RYR3: variants seen among roughly 807,000 people sequenced by gnomAD.
The protein encoded by RYR3 is ryanodine receptor 3, also known as brain ryanodine receptor-calcium release channel.
A neutral mutation model predicts 584.3 loss-of-function variants in RYR3; 207 were observed. The observed-to-expected ratio is 0.35, with a 90% CI of 0.32 to 0.40. The LOEUF is 0.40. Among genes scored for constraint, RYR3 ranks in the 10% least tolerant of loss-of-function variants. RYR3 has a pLI of 1.00. For synonymous variants in RYR3, 2,416 were observed against 2,248.5 expected, an observed-to-expected ratio of 1.07 and a Z score of -2.11; for missense variants, 5,616 against 6,089.2, an observed-to-expected ratio of 0.92 and a Z score of 2.59.
Position 33,337,853 on chromosome 15 carries a change from G to A in RYR3, c.51+26757G>A, listed in dbSNP as rs141719960. Among the ~76,000 whole-genome samples the A allele has an allele frequency of 1.1e-3, 162 of 150,166 alleles. 1 individual carries two copies. The highest frequency in any genetic ancestry group is 3.9e-3 in the African/African-American group (158 of 40,816). ...CTGGGAACAACACACATGCCCATCA[G>A]CAATAGAATGGAGAAGGTGTGTACA... is the stretch of plus-strand genomic sequence containing the variant. On this transcript the variant is annotated intron_variant, in intron 1 of 103. Coordinates refer to ENST00000634891, the MANE Select transcript of RYR3 (RefSeq NM_001036.6).
intron 3 of RYR3, among the ~76,000 whole-genome samples, chr15:33,510,332 G>A (rs74005670): frequency 6.6e-6 from 1 of 152,262 alleles, no homozygotes; most frequent in African/African-American, 2.4e-5. Context: ...GTCTGTAATG[G>A]TTGCAGTGTA....
intron 20 of RYR3, among the ~76,000 whole-genome samples, chr15:33,626,345 G>A (rs374785167): frequency 1.4e-4 from 22 of 152,230 alleles, no homozygotes; most frequent in African/African-American, 3.4e-4. Context: ...AGAGACTGGC[G>A]GCATTTTGGA....
chr15:33,564,095 A>G (rs981619436), intron 11 of RYR3, among the ~76,000 whole-genome samples: 1 of 152,152 alleles, frequency 6.6e-6, no homozygotes, highest in Non-Finnish European at 1.5e-5. Flanking sequence ...CCTTCAGCAC[A>G]TTTGCTGATT....
chr15:33,351,328 G>A (rs1409942638), intron 1 of RYR3, among the ~76,000 whole-genome samples: 1 of 152,184 alleles, frequency 6.6e-6, no homozygotes, highest in Non-Finnish European at 1.5e-5. Flanking sequence ...TTCTACCAGA[G>A]ATACAAGGAG....
Position 33,864,125 on chromosome 15 carries a change from T to C in RYR3, c.14466-13T>C. The C allele has an allele frequency of 6.2e-7, 1 of 1,601,770 alleles. No homozygotes were observed. The highest frequency in any genetic ancestry group is 8.5e-7 in the Non-Finnish European group (1 of 1,173,002). On this transcript the variant is annotated splice_polypyrimidine_tract_variant and intron_variant, in intron 102 of 103. Coordinates refer to ENST00000634891, the MANE Select transcript of RYR3 (RefSeq NM_001036.6). ...TGACCAGAGTATCTAATACTATCTT[T>C]TCCTCGTTCCAGGTTCTTTCTGATG...
At chr15:33,595,052 C>T (rs1209308073) in intron 16 of RYR3, among the ~76,000 whole-genome samples, 1 of 151,946 alleles carries the variant, frequency 6.6e-6, no homozygotes, top group Non-Finnish European at 1.5e-5. Flanking sequence ...CTTTAGGGAA[C>T]CTAATGTCTT....
chr15:33,840,825 G>A lies in RYR3; in HGVS notation c.12979G>A (p.Ala4327Thr). Residue 4327 changes from alanine to threonine, a missense_variant and splice_region_variant, in exon 90 of 104, where the codon GCA (alanine) becomes ACA (threonine). Coordinates refer to ENST00000634891, the MANE Select transcript of RYR3 (RefSeq NM_001036.6). The stretch of plus-strand genomic sequence containing the variant: ...TTGACTAATTGTTATTTTTGTCTAG[G>A]CAGCAGAAATGAAAGCAGCAAATGA... Reference protein sequence around the residue: ...STVQKKRKAQAAEMKAANEAE... With the variant: ...STVQKKRKAQTAEMKAANEAE... The A allele has an allele frequency of 1.2e-6, 2 of 1,613,804 alleles. No homozygotes were observed.
At position 33,662,004 on chromosome 15, in the gene RYR3, TGA is replaced by T. The variant is rs1471600663; in HGVS notation, c.4623-143_4623-142del. 5 of 627,608 alleles carry T rather than the reference TGA, an allele frequency of 8.0e-6. No homozygotes were observed. The Admixed American group carries it at 1.5e-4, about 19-fold the overall frequency. 38.9% of individuals were successfully genotyped at this position (627,608 alleles called of 1,614,324 possible). A position where few individuals can be genotyped will look rare whatever the true frequency, so the allele number is the denominator to read the frequency against. ...TAGGAACTGGAATACGGACCAGAGCTGAGAGAGGCATGATAAGCCATAAGAGA... is the reference window on the plus strand; with the variant it reads ...TAGGAACTGGAATACGGACCAGAGCTGAGAGGCATGATAAGCCATAAGAGA... On this transcript the variant is annotated intron_variant, in intron 34 of 103. Coordinates refer to ENST00000634891, the MANE Select transcript of RYR3 (RefSeq NM_001036.6).
intron 12 of RYR3, among the ~76,000 whole-genome samples, chr15:33,576,924 G>A (rs1025839400): frequency 6.6e-6 from 1 of 152,090 alleles, no homozygotes; most frequent in Non-Finnish European, 1.5e-5. Context: ...CAAAGTCTCA[G>A]GATACAAAAT....
chr15:33,804,828 C>G (rs933026160), intron 69 of RYR3, among the ~76,000 whole-genome samples: 6 of 152,142 alleles, frequency 3.9e-5, no homozygotes, highest in African/African-American at 1.4e-4. Flanking sequence ...TAACTGAATT[C>G]TGGTGTTGTA....
chr15:33,641,107 G>T (rs759401494), intron 27 of RYR3, among the ~76,000 whole-genome samples: 4 of 152,220 alleles, frequency 2.6e-5, no homozygotes, highest in African/African-American at 4.8e-5. Flanking sequence ...CTAATCTAGA[G>T]ACAAACAGGT....
At position 33,843,455 on chromosome 15, in the gene RYR3, C is replaced by T. The variant is rs749533684; in HGVS notation, c.13210-33C>T. 4 of 1,468,656 alleles carry T rather than the reference C, an allele frequency of 2.7e-6. No individual in the cohort carries two copies. The East Asian group carries it at 7.0e-5, about 26-fold the overall frequency. The allele number at this position is 1,468,656 out of a possible 1,614,324, so 91.0% of individuals were successfully genotyped here. On this transcript the variant is annotated intron_variant, in intron 91 of 103. Coordinates refer to ENST00000634891, the MANE Select transcript of RYR3 (RefSeq NM_001036.6). ...AGGAAGTTCTCTTTTCCTTCCAAAGCTCTTCTACTTCTGCCTGTCCTTTTC... is the reference window on the plus strand; with the variant it reads ...AGGAAGTTCTCTTTTCCTTCCAAAGTTCTTCTACTTCTGCCTGTCCTTTTC...
chr15:33,659,596 T>G (rs565784003), intron 32 of RYR3, 124 bp from the exon 33 acceptor site: 4 of 675,258 alleles, frequency 5.9e-6, no homozygotes, highest in East Asian at 5.4e-5. Context: ...TTCTGAGCAG[T>G]GGAGAATGAC....
intron 2 of RYR3, among the ~76,000 whole-genome samples, chr15:33,503,153 G>C (rs752052079): frequency 6.6e-6 from 1 of 152,040 alleles, no homozygotes; most frequent in Non-Finnish European, 1.5e-5. Flanking sequence ...CCCCTCTGTG[G>C]CCTCTTTTTA....
intron 22 of RYR3, among the ~76,000 whole-genome samples, chr15:33,630,812 A>G (rs577078786): frequency 6.6e-6 from 1 of 152,384 alleles, no homozygotes; most frequent in South Asian, 2.1e-4. Flanking sequence ...TTTATAAAAT[A>G]GAAAAATGTC....
chr15:33,543,353 T>C (rs2055979082), intron 7 of RYR3, among the ~76,000 whole-genome samples: 1 of 152,194 alleles, frequency 6.6e-6, no homozygotes, highest in Admixed American at 6.6e-5. Context: ...TTTTTAATGA[T>C]ATCAATTGGC....
intron 27 of RYR3, among the ~76,000 whole-genome samples, chr15:33,639,554 A>G (rs894857759): frequency 7.9e-5 from 12 of 151,498 alleles, no homozygotes; most frequent in Non-Finnish European, 2.9e-5. Flanking sequence ...TGTAGCGCCT[A>G]CCTCCCCCCA....
chr15:33,764,135 T>C (rs545571498), intron 60 of RYR3, among the ~76,000 whole-genome samples: 26 of 152,136 alleles, frequency 1.7e-4, no homozygotes, highest in Non-Finnish European at 2.1e-4. Flanking sequence ...CGTGTACGTT[T>C]ATTGCAGCAC....
chr15:33,827,029 G>C (rs376491248), intron 84 of RYR3, among the ~76,000 whole-genome samples, 170 bp from the exon 85 acceptor site: 1 of 152,190 alleles, frequency 6.6e-6, no homozygotes, highest in Non-Finnish European at 1.5e-5. Flanking sequence ...TCCGCAGGTT[G>C]GGGGGGTGCT....
Sources: gnomAD v4.1 joint callset for allele counts (sites outside exome capture counted in the v4.1 genomes callset) on GRCh38, gnomAD v4.1.1 for gene constraint, MANE v1.5 for transcripts, NCBI Gene and HGNC (gene_info 2026-07-23, HGNC 2026-07-21) for gene names.